The following FAM117B variants were observed in gnomAD, a reference collection of about 807,000 sequenced individuals.
FAM117B encodes the protein protein FAM117B.
In FAM117B, 22 loss-of-function variants were observed where a neutral mutation model predicts 52.8. The observed-to-expected ratio is 0.42, with a 90% CI of 0.30 to 0.59. FAM117B has a LOEUF of 0.59. Among genes scored for constraint, FAM117B ranks in the 20% least tolerant of loss-of-function variants. The probability of loss-of-function intolerance (pLI) is 0.22; values close to 1 mark genes in which losing one functional copy is unlikely to be tolerated. For synonymous variants in FAM117B, 309 were observed against 324.1 expected (o/e 0.95, Z 0.50); for missense variants, 678 against 802.6 (o/e 0.84, Z 1.88).
intron 2 of FAM117B, among the ~76,000 whole-genome samples, chr2:202,711,382 G>T (rs1025267747): frequency 6.6e-6 from 1 of 152,056 alleles, no homozygotes; most frequent in Non-Finnish European, 1.5e-5. Context: ...GAGATATTTT[G>T]CCCATTTTAA....
At chr2:202,691,754 A>T (rs1056789160) in intron 1 of FAM117B, among the ~76,000 whole-genome samples, 1 of 151,434 alleles carries the variant, frequency 6.6e-6, no homozygotes. Flanking sequence ...GACTATCCCG[A>T]AAGGGATTTT....
intron 1 of FAM117B, among the ~76,000 whole-genome samples, chr2:202,657,502 T>A (rs1448913169): frequency 1.3e-5 from 2 of 152,200 alleles, no homozygotes; most frequent in African/African-American, 4.8e-5. Flanking sequence ...CTGTTTTTTT[T>A]TGGAGACAGG....
At chr2:202,654,580 T>C (rs968963830) in intron 1 of FAM117B, among the ~76,000 whole-genome samples, 4 of 152,124 alleles carry the variant, frequency 2.6e-5, no homozygotes, top group South Asian at 2.1e-4. Context: ...CTGATACTCT[T>C]CTGTATCGAT....
chr2:202,698,183 A>G (rs1210202213), intron 2 of FAM117B, among the ~76,000 whole-genome samples: 1 of 152,130 alleles, frequency 6.6e-6, no homozygotes, highest in Non-Finnish European at 1.5e-5. Context: ...ATGTTTATTA[A>G]AGAACCGAGT....
chr2:202,735,015 G>C (rs1277665454), intron 4 of FAM117B, among the ~76,000 whole-genome samples: 1 of 151,958 alleles, frequency 6.6e-6, no homozygotes, highest in Non-Finnish European at 1.5e-5. Context: ...TCTTTTAAGT[G>C]TTTTATTCTT....
intron 4 of FAM117B, among the ~76,000 whole-genome samples, chr2:202,727,389 C>T (rs960615021): frequency 3.3e-5 from 5 of 152,088 alleles, no homozygotes; most frequent in Non-Finnish European, 7.4e-5. Flanking sequence ...TTGTCTATTG[C>T]TCCTTTTTGT....
At chr2:202,703,570 G>A (rs1690827940) in intron 2 of FAM117B, among the ~76,000 whole-genome samples, 1 of 152,178 alleles carries the variant, frequency 6.6e-6, no homozygotes, top group African/African-American at 2.4e-5. Flanking sequence ...TGCCCGGGCT[G>A]GTCTAGAAGT....
intron 1 of FAM117B, among the ~76,000 whole-genome samples, chr2:202,644,314 CAT>C (rs1239715817): frequency 6.6e-6 from 1 of 151,822 alleles, no homozygotes; most frequent in African/African-American, 2.4e-5. Context: ...AATTGTTTTT[CAT>C]TTTGATTGCT....
intron 7 of FAM117B, among the ~76,000 whole-genome samples, chr2:202,763,274 G>C (rs537843346): frequency 3.6e-4 from 54 of 152,016 alleles, no homozygotes; most frequent in African/African-American, 1.2e-3. Context: ...GGGTTTCAAC[G>C]TGTTAGCCAG....
chr2:202,734,735 AC>A (rs1691413315), intron 4 of FAM117B, among the ~76,000 whole-genome samples: 1 of 152,196 alleles, frequency 6.6e-6, no homozygotes, highest in Non-Finnish European at 1.5e-5. Context: ...AATTCTAAGT[AC>A]ATAGTAATTT....
chr2:202,640,336 ATATATATG>A (rs1301078966), intron 1 of FAM117B, among the ~76,000 whole-genome samples: 4 of 107,674 alleles, frequency 3.7e-5, no homozygotes, highest in Admixed American at 1.9e-4. Flanking sequence ...ATATATATAT[ATATATATG>A]GCAAGTCGTG....
chr2:202,708,011 C>T (rs773438318), intron 2 of FAM117B, among the ~76,000 whole-genome samples: 2 of 152,090 alleles, frequency 1.3e-5, no homozygotes, highest in African/African-American at 4.8e-5. Flanking sequence ...CTCAGGTGAT[C>T]CACTCGCCTT....
rs544672041 is a variant in FAM117B, at chr2:202,640,553, T to C, written c.601+4765T>C. Among the ~76,000 whole-genome samples the C allele has an allele frequency of 2.0e-4, 30 of 151,736 alleles. 1 individual carries two copies. The highest frequency in any genetic ancestry group is 6.8e-4 in the African/African-American group (28 of 41,348). Reference sequence around the variant, plus strand: ...TTTCTAGTACCTTATGAAATATGTCTCTAAGAATTTAGTGTTTCTCTAACA... The same window carrying C: ...TTTCTAGTACCTTATGAAATATGTCCCTAAGAATTTAGTGTTTCTCTAACA... On this transcript the variant is annotated intron_variant, in intron 1 of 7. Transcript: ENST00000392238.
chr2:202,676,113 A>G (rs916687316), intron 1 of FAM117B, among the ~76,000 whole-genome samples: 3 of 152,164 alleles, frequency 2.0e-5, no homozygotes, highest in East Asian at 3.9e-4. Flanking sequence ...TGGGGAAGCA[A>G]CTTGCTACGT....
chr2:202,693,320 T>G (rs538765609), intron 1 of FAM117B, among the ~76,000 whole-genome samples: 1 of 148,536 alleles, frequency 6.7e-6, no homozygotes, highest in African/African-American at 2.6e-5. Context: ...ATAAATGTAC[T>G]AACACTGGCC....
intron 1 of FAM117B, among the ~76,000 whole-genome samples, chr2:202,669,217 A>G (rs1395754175): frequency 6.6e-6 from 1 of 152,220 alleles, no homozygotes; most frequent in Non-Finnish European, 1.5e-5. Context: ...TGATAGACAC[A>G]AAAATCATGA....
chr2:202,710,273 G>A (rs75664718), intron 2 of FAM117B, among the ~76,000 whole-genome samples: 1,800 of 152,074 alleles, frequency 0.012, 22 homozygotes, highest in Non-Finnish European at 0.018. Context: ...ATGCCTGTTT[G>A]TTTATGTCGT....
At chr2:202,672,387 A>G (rs1313607156) in intron 1 of FAM117B, among the ~76,000 whole-genome samples, 1 of 151,920 alleles carries the variant, frequency 6.6e-6, no homozygotes, top group Admixed American at 6.6e-5. Context: ...TAATTTTTGT[A>G]TTTTTAGTAG....
intron 4 of FAM117B, among the ~76,000 whole-genome samples, chr2:202,742,777 C>A: frequency 6.6e-6 from 1 of 152,156 alleles, no homozygotes; most frequent in Middle Eastern, 3.2e-3. Context: ...GGGCTAATAA[C>A]CCTCGTATAA....
Sources: gnomAD v4.1 joint callset for allele counts (sites outside exome capture counted in the v4.1 genomes callset) on GRCh38, gnomAD v4.1.1 for gene constraint, MANE v1.5 for transcripts, NCBI Gene and HGNC (gene_info 2026-07-23, HGNC 2026-07-21) for gene names.